The following TRIOBP variants were observed in gnomAD, a reference collection of about 807,000 sequenced individuals.
TRIOBP encodes TRIO and F-actin binding protein, also known as TRIO and F-actin-binding protein.
A neutral mutation model predicts 238.8 loss-of-function variants in TRIOBP; 169 were observed. The ratio of observed to expected loss-of-function variants is 0.71; its 90% CI spans 0.62 to 0.80. The LOEUF is 0.80. Among genes scored for constraint, TRIOBP ranks in the 30% least tolerant of loss-of-function variants. The pLI is 0.00. For synonymous variants in TRIOBP, 1,150 were observed against 1,274.4 expected (o/e 0.90, Z 2.08); for missense variants, 2,838 against 3,122.6 (o/e 0.91, Z 2.17).
At position 37,742,103 on chromosome 22, in the gene TRIOBP, G is replaced by T. The variant is rs373074921; in HGVS notation, c.5322+1071G>T. The stretch of plus-strand genomic sequence containing the variant: ...CTCCAGAGTAGCTGGAATTATAGGC[G>T]TGCGCCACTGCACCCGGCTAATTTT... On this transcript the variant is annotated intron_variant, in intron 11 of 23. Coordinates refer to ENST00000644935, the MANE Select transcript of TRIOBP (RefSeq NM_001039141.3). Among the ~76,000 whole-genome samples, 23 of 151,832 alleles carry T rather than the reference G, an allele frequency of 1.5e-4. No individual in the cohort carries two copies. The East Asian group carries it at 4.2e-3, about 28-fold the overall frequency.
chr22:37,743,362 G>A (rs980361979), intron 11 of TRIOBP, among the ~76,000 whole-genome samples: 1 of 152,186 alleles, frequency 6.6e-6, no homozygotes, highest in Admixed American at 6.5e-5. Flanking sequence ...GTAGAGTAAC[G>A]GTTTGAGACT....
intron 15 of TRIOBP, among the ~76,000 whole-genome samples, chr22:37,757,091 G>A (rs1925963531): frequency 6.6e-6 from 1 of 152,158 alleles, no homozygotes; most frequent in South Asian, 2.1e-4. Flanking sequence ...GACCAGTGTG[G>A]TGGTTCACGC....
intron 16 of TRIOBP, 131 bp downstream of exon 16, chr22:37,758,269 G>GGGGTGCACACT: frequency 5.1e-6 from 6 of 1,187,858 alleles, no homozygotes; most frequent in Non-Finnish European, 7.2e-6. Flanking sequence ...CTGTGAGTGT[G>GGGGTGCACACT]CACCCCACAC....
rs572259693 is a variant in TRIOBP, at chr22:37,770,248, T to C, written c.6849+873T>C. Among the ~76,000 whole-genome samples the C allele has an allele frequency of 3.1e-4, 46 of 149,270 alleles. 1 individual carries two copies. In the South Asian group the frequency reaches 9.3e-3, roughly 30 times the overall value. On this transcript the variant is annotated intron_variant, in intron 21 of 23. Coordinates refer to ENST00000644935, the MANE Select transcript of TRIOBP (RefSeq NM_001039141.3). ...GGTAGGAGATCAAGACCATCCTGGCTAACACAGTGAAACCCCGTCTCTACT... is the reference window on the plus strand; with the variant it reads ...GGTAGGAGATCAAGACCATCCTGGCCAACACAGTGAAACCCCGTCTCTACT...
At chr22:37,766,083 A>C (rs1926481471) in intron 18 of TRIOBP, among the ~76,000 whole-genome samples, 1 of 152,198 alleles carries the variant, frequency 6.6e-6, no homozygotes, top group African/African-American at 2.4e-5. Context: ...AGGGGCCTGC[A>C]GCCACCATAG....
intron 7 of TRIOBP, among the ~76,000 whole-genome samples, chr22:37,731,180 C>T (rs1435417810): frequency 6.6e-6 from 1 of 152,008 alleles, no homozygotes; most frequent in South Asian, 2.1e-4. Context: ...CTCTTTCACC[C>T]AGGCTGGAAT....
At chr22:37,752,539 G>A (rs920306462) in intron 12 of TRIOBP, among the ~76,000 whole-genome samples, 1 of 152,196 alleles carries the variant, frequency 6.6e-6, no homozygotes. Flanking sequence ...CCCTGCATGC[G>A]CCTGCTGCTC....
intron 11 of TRIOBP, chr22:37,750,623 G>A: frequency 2.1e-6 from 1 of 471,092 alleles, no homozygotes; most frequent in Non-Finnish European, 4.4e-6. Context: ...AGCAGAGCCT[G>A]TGTCTCTCCC....
intron 5 of TRIOBP, 43 bp downstream of exon 5, chr22:37,713,454 C>G: frequency 6.3e-7 from 1 of 1,598,686 alleles, no homozygotes; most frequent in Non-Finnish European, 8.5e-7. Context: ...GTGGCTCACA[C>G]CTCCATCTGC....
chr22:37,726,452 C>G lies in TRIOBP; in HGVS notation c.3896C>G (p.Thr1299Ser). ...GCGCAGTGCAGCAGCGGGGGCCGCACCCACAGCCCTGGCCGTGCAGAGGTG... is the reference window on the plus strand; with the variant it reads ...GCGCAGTGCAGCAGCGGGGGCCGCAGCCACAGCCCTGGCCGTGCAGAGGTG... ...PQAQCSSGGRTHSPGRAEVER... is the reference protein window; with the variant it reads ...PQAQCSSGGRSHSPGRAEVER... Residue 1299 changes from threonine (T) to serine (S), a missense_variant, in exon 7 of 24, where the codon ACC becomes AGC. Physicochemically the swap from Thr to Ser is moderately conservative, Grantham distance 58. This residue lies in a region of TRIOBP where 2,096 missense variants were observed against 2,137.4 expected (regional missense o/e 0.98). Coordinates refer to ENST00000644935, the MANE Select transcript of TRIOBP (RefSeq NM_001039141.3). The G allele has an allele frequency of 6.4e-7, 1 of 1,570,884 alleles. No individual in the cohort carries two copies. The highest frequency in any genetic ancestry group is 2.3e-5 in the East Asian group (1 of 43,490).
chr22:37,751,437 A>G (rs575156743), intron 11 of TRIOBP: 246 of 410,706 alleles, frequency 6.0e-4, no homozygotes, highest in Non-Finnish European at 9.7e-4. Flanking sequence ...GGGGGTCTCT[A>G]TGCAGGCAGA....
chr22:37,736,894 CGGGATTACAGGTGCGAGCCACCATG>C (rs1924699866), intron 9 of TRIOBP, among the ~76,000 whole-genome samples: 1 of 151,902 alleles, frequency 6.6e-6, no homozygotes. Flanking sequence ...CCCAAAGTGC[CGGGATTACAGGTGCGAGCCACCATG>C]CCCGGCCTAA....
chr22:37,699,609 T>G (rs1782327017), intron 2 of TRIOBP, among the ~76,000 whole-genome samples: 2 of 152,092 alleles, frequency 1.3e-5, no homozygotes, highest in South Asian at 4.1e-4. Context: ...TGGTGCAATC[T>G]TGGCTCACTG....
rs1478055831 is a variant in TRIOBP, at chr22:37,725,480, GGGCCACCTCTTCCTCCCATAACCCA to G, written c.2932_2956del (p.Ser978ArgfsTer19). ...CCCACCCAGTACAACTTGCCATCCC[GGGCCACCTCTTCCTCCCATAACCCA>G]GGCCACCAGAGCACCTCCCGAACTT... On this transcript the variant is annotated frameshift_variant, in exon 7 of 24. Transcript: ENST00000644935. LOFTEE classifies it high-confidence loss of function. 1.3e-5 allele frequency: 21 copies of G among 1,613,068 alleles called. No individual in the cohort carries two copies. Among genetic ancestry groups the G allele is most frequent in the African/African-American group, 4.0e-5 (3 of 74,766 alleles).
At chr22:37,730,063 T>G (rs1569044379) in intron 7 of TRIOBP, among the ~76,000 whole-genome samples, 1 of 152,338 alleles carries the variant, frequency 6.6e-6, no homozygotes, top group Middle Eastern at 3.4e-3. Flanking sequence ...TTTTTTTTCC[T>G]TAGATGCCTT....
chr22:37,772,208 GCA>G (rs1926813578), intron 22 of TRIOBP, among the ~76,000 whole-genome samples: 1 of 152,132 alleles, frequency 6.6e-6, no homozygotes, highest in South Asian at 2.1e-4. Context: ...TCAGTTTGGG[GCA>G]GGAAGTGGAC....
rs1340174273 is a variant in TRIOBP at position 37,726,204 on chromosome 22, G to A, written c.3648G>A (p.Val1216=). 5 of 1,580,344 alleles carry A rather than the reference G, an allele frequency of 3.2e-6. No individual in the cohort carries two copies. Among genetic ancestry groups the A allele is most frequent in the Non-Finnish European group, 2.6e-6 (3 of 1,162,516 alleles). ...GCTCCCCAGTGCTGATCCCCCAAGTGTGCATCGGGCACCGGGATGCACCCC... is the reference window on the plus strand; with the variant it reads ...GCTCCCCAGTGCTGATCCCCCAAGTATGCATCGGGCACCGGGATGCACCCC... ...LHGSPVLIPQ[V]CIGHRDAPRA... Residue 1216 remains valine, a synonymous_variant, in exon 7 of 24, where the codon GTG becomes GTA. Transcript: ENST00000644935.
At chr22:37,770,924 C>T (rs1926743544) in intron 21 of TRIOBP, among the ~76,000 whole-genome samples, 2 of 152,034 alleles carry the variant, frequency 1.3e-5, no homozygotes, top group Non-Finnish European at 2.9e-5. Flanking sequence ...CCTCGTGATC[C>T]GCCCGCCTCT....
chr22:37,758,487 C>T (rs1032364788), intron 16 of TRIOBP, among the ~76,000 whole-genome samples: 2 of 151,986 alleles, frequency 1.3e-5, no homozygotes, highest in Admixed American at 6.6e-5. Flanking sequence ...CCAGTCTGTG[C>T]GACATGGCAA....
Sources: gnomAD v4.1 joint callset for allele counts (sites outside exome capture counted in the v4.1 genomes callset) on GRCh38, gnomAD v4.1.1 for gene constraint, gnomAD v4.1.1 regional missense constraint, MANE v1.5 for transcripts, NCBI Gene and HGNC (gene_info 2026-07-23, HGNC 2026-07-21) for gene names.